Variants in PDE3A observed in about 807,000 individuals in gnomAD.
The protein encoded by PDE3A is phosphodiesterase 3A.
A neutral mutation model predicts 98.3 loss-of-function variants in PDE3A; 43 were observed. The ratio of observed to expected loss-of-function variants is 0.44; its 90% CI spans 0.34 to 0.56. The LOEUF is 0.56. PDE3A is among the 20% of genes least tolerant of loss of function. PDE3A has a pLI of 0.01. For missense variants in PDE3A, 1,427 were observed against 1,440.7 expected, an observed-to-expected ratio of 0.99 and a Z score of 0.15; for synonymous variants, 663 against 567.9, an observed-to-expected ratio of 1.17 and a Z score of -2.38.
chr12:20,634,779 G>A (rs1327213366), intron 7 of PDE3A, 123 bp from the exon 8 acceptor site: 4 of 697,850 alleles, frequency 5.7e-6, no homozygotes, highest in Non-Finnish European at 1.0e-5. Flanking sequence ...TTCTTGGAGT[G>A]CTCAGGAAAG....
intron 4 of PDE3A, among the ~76,000 whole-genome samples, chr12:20,619,731 A>G (rs865954957): frequency 6.6e-6 from 1 of 152,134 alleles, no homozygotes; most frequent in Non-Finnish European, 1.5e-5. Flanking sequence ...ATTGCATTTT[A>G]TAATTGCTGA....
Position 20,687,967 on chromosome 12 carries a change from C to T in PDE3A, c.*7696C>T, listed in dbSNP as rs1381357639. Among the ~76,000 whole-genome samples the T allele has an allele frequency of 1.4e-5, 2 of 146,078 alleles. No homozygotes were observed. The highest frequency in any genetic ancestry group is 3.0e-5 in the Non-Finnish European group (2 of 66,966). ...CATTGGCAAGTTTTAATTAATATGG[C>T]CCAAAAATTTGACCTTGAAGGATAT... On this transcript the variant is annotated 3_prime_UTR_variant, in exon 16 of 16. Transcript: ENST00000359062.
chr12:20,386,142 AATATATATATAAAT>A, intron 1 of PDE3A, among the ~76,000 whole-genome samples: 1 of 28,058 alleles, frequency 3.6e-5, no homozygotes, highest in Non-Finnish European at 6.4e-5. Flanking sequence ...AATATATATA[AATATATATATAAAT>A]ATATATAAAT....
In PDE3A at chr12:20,611,327, T is replaced by C. The variant is rs75322823; in HGVS notation, c.1012-2116T>C. On this transcript the variant is annotated intron_variant, in intron 2 of 15. Transcript: ENST00000359062. ...CATATTGGTTCATAAGAGATATTTA[T>C]GCCTGTGATCAGAGAACATGGGTAC... Among the ~76,000 whole-genome samples the C allele has an allele frequency of 1.2e-3, 178 of 152,076 alleles. 3 individuals carry two copies. The East Asian group carries it at 0.028, about 24-fold the overall frequency.
At chr12:20,641,099 T>G (rs1344609125) in intron 10 of PDE3A, among the ~76,000 whole-genome samples, 1 of 152,114 alleles carries the variant, frequency 6.6e-6, no homozygotes, top group African/African-American at 2.4e-5. Flanking sequence ...ATGAGCATAT[T>G]TATTGTTTTC....
chr12:20,635,776 T>G (rs1239049172), intron 8 of PDE3A, among the ~76,000 whole-genome samples: 1 of 145,134 alleles, frequency 6.9e-6, no homozygotes. Flanking sequence ...AAAAAAGAAA[T>G]TAATCTCTGA....
chr12:20,679,540 A>T (rs1027450832), intron 15 of PDE3A, among the ~76,000 whole-genome samples: 2 of 152,134 alleles, frequency 1.3e-5, no homozygotes, highest in African/African-American at 4.8e-5. Context: ...GAGCCACTGC[A>T]CCCAGCCTGA....
intron 15 of PDE3A, among the ~76,000 whole-genome samples, chr12:20,668,924 C>T (rs1307350931): frequency 6.6e-6 from 1 of 150,476 alleles, no homozygotes; most frequent in Non-Finnish European, 1.5e-5. Flanking sequence ...ACATTCAAAC[C>T]AAAGGCAAAG....
At chr12:20,655,446 G>T (rs143982082) in intron 15 of PDE3A, among the ~76,000 whole-genome samples, 3 of 152,050 alleles carry the variant, frequency 2.0e-5, no homozygotes, top group Non-Finnish European at 2.9e-5. Flanking sequence ...AGAGGCAGCC[G>T]GGAACGAACT....
intron 2 of PDE3A, 23 bp from the exon 3 acceptor site, chr12:20,613,420 T>A (rs1263847527): frequency 6.2e-7 from 1 of 1,613,152 alleles, no homozygotes; most frequent in South Asian, 1.1e-5. Flanking sequence ...TCTTGCCTGA[T>A]CTTGTCTTGG....
intron 15 of PDE3A, among the ~76,000 whole-genome samples, chr12:20,659,540 C>A (rs1348222334): frequency 6.6e-6 from 1 of 151,916 alleles, no homozygotes; most frequent in Non-Finnish European, 1.5e-5. Flanking sequence ...CCCTTTTGAT[C>A]TTCCTGCTAA....
intron 1 of PDE3A, among the ~76,000 whole-genome samples, chr12:20,395,510 T>TGTATACTATGTGTACACATAGTATAATAC: frequency 6.8e-6 from 1 of 146,720 alleles, no homozygotes; most frequent in African/African-American, 2.5e-5. Context: ...TAGTATAATA[T>TGTATACTATGTGTACACATAGTATAATAC]GTATACTATG....
chr12:20,563,509 A>AT (rs1942581323), intron 2 of PDE3A, among the ~76,000 whole-genome samples: 1 of 152,158 alleles, frequency 6.6e-6, no homozygotes, highest in Non-Finnish European at 1.5e-5. Context: ...TGCCAGTGCT[A>AT]CTTTTTCTAC....
chr12:20,668,199 C>T (rs1468161694), intron 15 of PDE3A, among the ~76,000 whole-genome samples: 15 of 152,316 alleles, frequency 9.8e-5, no homozygotes, highest in African/African-American at 1.7e-4. Flanking sequence ...GAGGGTCCTA[C>T]GCCCACAGAG....
At chr12:20,601,785 G>GA (rs1223085530) in intron 2 of PDE3A, among the ~76,000 whole-genome samples, 56 of 148,352 alleles carry the variant, frequency 3.8e-4, no homozygotes, top group Non-Finnish European at 7.3e-4. Context: ...TGTTTTCTGT[G>GA]AAAAAAAACT....
chr12:20,552,268 T>G lies in PDE3A; in HGVS notation c.961-4392T>G. 4 of 1,613,650 alleles carry G rather than the reference T, an allele frequency of 2.5e-6. No individual in the cohort carries two copies. Reference sequence around the variant, plus strand: ...TGTCAAGGGTGGCAAGAATAGCAAGTACGCCCCCGCTGAGGGCAACCGCTA... The same window carrying G: ...TGTCAAGGGTGGCAAGAATAGCAAGGACGCCCCCGCTGAGGGCAACCGCTA... On this transcript the variant is annotated intron_variant, in intron 1 of 15. Coordinates refer to ENST00000359062, the MANE Select transcript of PDE3A (RefSeq NM_000921.5). The surrounding 1 kb of genome is among the most constrained non-coding windows in gnomAD (Gnocchi z 5.1).
chr12:20,648,442 G>A (rs1944827087), intron 12 of PDE3A, among the ~76,000 whole-genome samples: 1 of 151,688 alleles, frequency 6.6e-6, no homozygotes, highest in Non-Finnish European at 1.5e-5. Context: ...ATAGGCGAGT[G>A]CCCCCTCAAA....
At chr12:20,607,699 T>G (rs920828872) in intron 2 of PDE3A, among the ~76,000 whole-genome samples, 2 of 151,856 alleles carry the variant, frequency 1.3e-5, no homozygotes, top group Non-Finnish European at 1.5e-5. Flanking sequence ...GTAGAATGTT[T>G]TATATTGCTT....
chr12:20,626,383 G>GAA (rs11402218), intron 5 of PDE3A, among the ~76,000 whole-genome samples: 135 of 147,662 alleles, frequency 9.1e-4, no homozygotes, highest in Middle Eastern at 3.6e-3. Flanking sequence ...TTTGGCTTTG[G>GAA]AAAAAAAAAA....
Sources: allele counts gnomAD v4.1 joint callset (sites outside exome capture counted in the v4.1 genomes callset), GRCh38; gene constraint gnomAD v4.1.1; non-coding constraint Gnocchi (gnomAD v3.1); transcripts MANE v1.5; gene names NCBI Gene and HGNC (gene_info 2026-07-23, HGNC 2026-07-21).